Variants in FIBCD1 observed in about 807,000 individuals in gnomAD.
FIBCD1 encodes fibrinogen C domain containing 1, also known as fibrinogen C domain-containing protein 1.
Under a neutral mutation model 45.1 loss-of-function variants are expected in FIBCD1, and 47 were observed. The ratio of observed to expected loss-of-function variants is 1.04; its 90% CI spans 0.82 to 1.33. The LOEUF is 1.33. Among genes scored for constraint, FIBCD1 ranks in the 40% most tolerant of loss-of-function variants. FIBCD1 has a pLI of 0.00. For missense variants in FIBCD1, 653 were observed against 682.2 expected, an observed-to-expected ratio of 0.96 and a Z score of 0.48; for synonymous variants, 313 against 308.1, an observed-to-expected ratio of 1.02 and a Z score of -0.17.
rs994066269 is a variant in FIBCD1, at chr9:130,922,874, C to T, written c.849+870G>A. 2.0e-5 allele frequency among the ~76,000 whole-genome samples: 3 copies of T among 152,144 alleles called. No homozygotes were observed. Among genetic ancestry groups the T allele is most frequent in the Non-Finnish European group, 2.9e-5 (2 of 68,020 alleles). On this transcript the variant is annotated intron_variant, in intron 4 of 6. Transcript: ENST00000372338. The surrounding 1 kb of genome is among the most constrained non-coding windows in gnomAD (Gnocchi z 4.5). ...CCCCCTCCTCCTGGAATACCTTCTCCTTCCTGCCCGCACTCAGAAATCCTC... is the reference window on the plus strand; with the variant it reads ...CCCCCTCCTCCTGGAATACCTTCTCTTTCCTGCCCGCACTCAGAAATCCTC...
Position 130,903,919 on chromosome 9 carries a change from C to T in FIBCD1, c.*145G>A, listed in dbSNP as rs1163187459. The stretch of plus-strand genomic sequence containing the variant: ...TGTGTGACTTCACCGGCCCAGGGAG[C>T]TTCGTGTCAGGGATGGCCCGGCCCC... On this transcript the variant is annotated 3_prime_UTR_variant, in exon 7 of 7. Coordinates refer to ENST00000372338, the MANE Select transcript of FIBCD1 (RefSeq NM_032843.5). 3 of 1,081,164 alleles carry T rather than the reference C, an allele frequency of 2.8e-6. No individual in the cohort carries two copies. The highest frequency in any genetic ancestry group is 4.2e-6 in the Non-Finnish European group (3 of 721,538). The allele number at this position is 1,081,164 out of a possible 1,614,324, so 67.0% of individuals were successfully genotyped here. A position where few individuals can be genotyped will look rare whatever the true frequency, so the allele number is the denominator to read the frequency against.
intron 1 of FIBCD1, 44 bp downstream of exon 1, chr9:130,938,492 C>T: frequency 6.9e-7 from 1 of 1,453,280 alleles, no homozygotes; most frequent in African/African-American, 1.5e-5. Flanking sequence ...GCGGCCACCG[C>T]CTGGCCAGCC....
chr9:130,918,715 T>C (rs1832206497), intron 4 of FIBCD1, among the ~76,000 whole-genome samples: 1 of 152,142 alleles, frequency 6.6e-6, no homozygotes, highest in African/African-American at 2.4e-5. Flanking sequence ...CCTTAACTCC[T>C]TTCTGGACAC....
chr9:130,929,774 C>T lies in FIBCD1; in HGVS notation c.345G>A (p.Val115=). 6.4e-7 allele frequency: 1 copy of T among 1,557,926 alleles called. No individual in the cohort carries two copies. Among genetic ancestry groups the T allele is most frequent in the Non-Finnish European group, 8.7e-7 (1 of 1,151,168 alleles). Residue 115 remains valine, a synonymous_variant, in exon 2 of 7, where the codon GTG becomes GTA. Transcript: ENST00000372338. The part of the protein sequence containing the change: ...FARLESAQAS[V]LQALTEHQAQ... ...CCTGGTGCTCTGTCAGCGCCTGCAG[C>T]ACCGAGGCCTGGGCGCTCTCCAGGC... is the stretch of plus-strand genomic sequence containing the variant.
rs1338813229 is a variant in FIBCD1, at chr9:130,929,739, C to G, written c.380G>C (p.Arg127Pro). 1 of 1,573,630 alleles carries G rather than the reference C, an allele frequency of 6.4e-7. No homozygotes were observed. The highest frequency in any genetic ancestry group is 1.8e-5 in the Admixed American group (1 of 54,844). Residue 127 changes from arginine (R) to proline (P), a missense_variant, in exon 2 of 7, where the codon CGG becomes CCG. Coordinates refer to ENST00000372338, the MANE Select transcript of FIBCD1 (RefSeq NM_032843.5). ...QALTEHQAQP[R>P]LVGDQEQELL... is the part of the protein sequence containing the mutation. Reference sequence around the variant, plus strand: ...CTCCTGCTCCTGGTCGCCCACCAGCCGTGGCTGGGCCTGGTGCTCTGTCAG... The same window carrying G: ...CTCCTGCTCCTGGTCGCCCACCAGCGGTGGCTGGGCCTGGTGCTCTGTCAG...
Position 130,929,831 on chromosome 9 carries a change from C to T in FIBCD1, c.288G>A (p.Pro96=), listed in dbSNP as rs369929215. 33 of 1,550,022 alleles carry T rather than the reference C, an allele frequency of 2.1e-5. No individual in the cohort carries two copies. In the South Asian group the frequency reaches 3.2e-4, roughly 15 times the overall value. ...AGCTGTCGGTGAGGTCGGGGCAGCG[C>T]GGGTCAATGAGGATGCTGAGGTGCG... ...DSSHLSILID[P]RCPDLTDSFA... The change falls in exon 2 of 7, where the codon CCG becomes CCA. Residue 96 remains proline, a synonymous_variant. Transcript: ENST00000372338.
Position 130,930,042 on chromosome 9 carries a change from G to A in FIBCD1, c.77C>T (p.Pro26Leu), listed in dbSNP as rs140476667. Residue 26 changes from proline to leucine, a missense_variant, in exon 2 of 7, where the codon CCG becomes CTG. Pro to Leu is a moderately conservative substitution (Grantham distance 98). Coordinates refer to ENST00000372338, the MANE Select transcript of FIBCD1 (RefSeq NM_032843.5). The stretch of plus-strand genomic sequence containing the variant: ...GGTGCACAGCACGTAGCCGCAGCTC[G>A]GCCGCTGCAGGCCCGCCCGGGACGC... The part of the protein sequence containing the change: ...EDRPRDKPQR[P>L]SCGYVLCTVL... 131 of 1,498,310 alleles carry A rather than the reference G, an allele frequency of 8.7e-5. No homozygotes were observed. The highest frequency in any genetic ancestry group is 2.1e-4 in the Admixed American group (9 of 43,850). 92.8% of individuals were successfully genotyped at this position (1,498,310 alleles called of 1,614,324 possible).
intron 4 of FIBCD1, among the ~76,000 whole-genome samples, chr9:130,916,887 C>T (rs1320954296): frequency 2.0e-5 from 3 of 152,200 alleles, no homozygotes; most frequent in African/African-American, 4.8e-5. Context: ...CACTTGAGGT[C>T]AGGAGTTCGA....
At chr9:130,921,972 G>A (rs969750821) in intron 4 of FIBCD1, among the ~76,000 whole-genome samples, 5 of 152,202 alleles carry the variant, frequency 3.3e-5, no homozygotes, top group East Asian at 3.9e-4. Context: ...TGGCGGACTC[G>A]TCCCTCCACC....
intron 5 of FIBCD1, among the ~76,000 whole-genome samples, chr9:130,910,192 G>A (rs1016994107): frequency 2.0e-4 from 30 of 152,180 alleles, no homozygotes; most frequent in Admixed American, 5.2e-4. Flanking sequence ...GTGGGCATGG[G>A]CTTGGCGGGC....
At chr9:130,917,759 GC>G (rs1245381938) in intron 4 of FIBCD1, among the ~76,000 whole-genome samples, 2 of 152,210 alleles carry the variant, frequency 1.3e-5, no homozygotes, top group Non-Finnish European at 2.9e-5. Flanking sequence ...CCCCGCCACA[GC>G]CCTGGAGGGA....
chr9:130,934,164 C>T (rs78639606), intron 1 of FIBCD1, among the ~76,000 whole-genome samples: 7,454 of 152,218 alleles, frequency 0.049, 263 homozygotes, highest in Admixed American at 0.1. Flanking sequence ...CAGGGGAATT[C>T]CTCCTGTCTC....
intron 4 of FIBCD1, among the ~76,000 whole-genome samples, chr9:130,920,097 GC>G (rs1311013403): frequency 6.6e-6 from 1 of 151,556 alleles, no homozygotes; most frequent in Non-Finnish European, 1.5e-5. Context: ...CAAGAGGGCC[GC>G]CCCACTGGAC....
At chr9:130,936,914 G>A (rs1349315394) in intron 1 of FIBCD1, among the ~76,000 whole-genome samples, 1 of 152,220 alleles carries the variant, frequency 6.6e-6, no homozygotes, top group African/African-American at 2.4e-5. Context: ...TCTTCCTGGA[G>A]GAGGTGGCAG....
At chr9:130,927,224 C>T (rs1396854974) in intron 2 of FIBCD1, among the ~76,000 whole-genome samples, 7 of 148,800 alleles carry the variant, frequency 4.7e-5, no homozygotes, top group South Asian at 4.2e-4. Context: ...GCATGGGTGA[C>T]GGAGTAAGAC....
At chr9:130,913,441 T>C (rs1420496342) in intron 4 of FIBCD1, among the ~76,000 whole-genome samples, 1 of 152,246 alleles carries the variant, frequency 6.6e-6, no homozygotes, top group Non-Finnish European at 1.5e-5. Flanking sequence ...ACCCGAGGCG[T>C]CTGCCGCGTG....
chr9:130,916,836 G>A (rs764316021), intron 4 of FIBCD1, among the ~76,000 whole-genome samples: 7 of 152,222 alleles, frequency 4.6e-5, no homozygotes, highest in Non-Finnish European at 8.8e-5. Flanking sequence ...GGTGGCCCAC[G>A]CCTGTAATCC....
At chr9:130,924,419 C>A (rs775566308) in intron 2 of FIBCD1, 23 bp from the exon 3 acceptor site, 1 of 1,586,006 alleles carries the variant, frequency 6.3e-7, no homozygotes, top group Non-Finnish European at 8.6e-7. Flanking sequence ...GGGGGTGAGC[C>A]GAGGGGGCAG....
chr9:130,923,264 G>T (rs771559377), intron 4 of FIBCD1, among the ~76,000 whole-genome samples: 1 of 152,192 alleles, frequency 6.6e-6, no homozygotes, highest in East Asian at 1.9e-4. Flanking sequence ...GGAGGTGCAG[G>T]AATCAGACAG....
Sources: gnomAD v4.1 joint callset for allele counts (sites outside exome capture counted in the v4.1 genomes callset) on GRCh38, gnomAD v4.1.1 for gene constraint, Gnocchi (gnomAD v3.1) non-coding constraint, MANE v1.5 for transcripts, NCBI Gene and HGNC (gene_info 2026-07-23, HGNC 2026-07-21) for gene names.